SLC25A1: variants seen among roughly 807,000 people sequenced by gnomAD.
SLC25A1 encodes tricarboxylate transport protein, mitochondrial.
SLC25A1 carries 26 observed loss-of-function variants against 38.1 expected under a neutral mutation model. That is an observed-to-expected ratio of 0.68 (90% CI 0.50 to 0.95). The LOEUF (loss-of-function observed/expected upper bound fraction) is 0.95, where lower values mean the gene tolerates loss of function less well. Ranked by LOEUF, SLC25A1 falls within the 40% of genes least tolerant of loss-of-function variation. The probability of loss-of-function intolerance (pLI) is 0.00; values close to 1 mark genes in which losing one functional copy is unlikely to be tolerated. For synonymous variants in SLC25A1, 211 were observed against 183.2 expected, an observed-to-expected ratio of 1.15 and a Z score of -1.23; for missense variants, 378 against 426.6, an observed-to-expected ratio of 0.89 and a Z score of 1.00.
chr22:19,176,145 C>T lies in SLC25A1; in HGVS notation c.921G>A (p.Val307=). Residue 307 remains valine (V), a synonymous_variant, in exon 9 of 9, where the codon GTG becomes GTA. Transcript: ENST00000215882. ...YDEVVKLLNK[V]WKTD ...CTCTCTAGGCTTAGTCCGTCTTCCA[C>T]ACTTTGTTGAGCAGCTTCACCACTT... 1 of 1,613,934 alleles carries T rather than the reference C, an allele frequency of 6.2e-7. No individual in the cohort carries two copies. Among genetic ancestry groups the T allele is most frequent in the Admixed American group, 1.7e-5 (1 of 60,022 alleles).
At position 19,177,977 on chromosome 22, in the gene SLC25A1, G is replaced by A. The variant is rs953111140; in HGVS notation, c.267C>T (p.Ser89=). The A allele has an allele frequency of 4.4e-6, 7 of 1,604,628 alleles. No individual in the cohort carries two copies. The highest frequency in any genetic ancestry group is 1.1e-5 in the South Asian group (1 of 89,806). Residue 89 remains serine (S), a synonymous_variant, in exon 3 of 9, where the codon TCC becomes TCT. Transcript: ENST00000215882. ...GVLGLYRGLS[S]LLYGSIPKAA... is the part of the protein sequence containing the mutation. ...CCTTGGGGATGGAACCGTAGAGCAG[G>A]GAGCTAAGGCCGCGGTACAGGCCCA...
chr22:19,176,404 GC>G lies in SLC25A1; in HGVS notation c.821+16del, dbSNP rs781846993. 3 of 1,610,544 alleles carry G rather than the reference GC, an allele frequency of 1.9e-6. No individual in the cohort carries two copies. Among genetic ancestry groups the G allele is most frequent in the Non-Finnish European group, 2.5e-6 (3 of 1,177,418 alleles). ...GGTTTGAGGTGGGGACAATAGCCCT[GC>G]CCCTCCCCCACTCACGCCTTGAGCC... On this transcript the variant is annotated intron_variant, in intron 8 of 8. Transcript: ENST00000215882.
rs1355713568 is a variant in SLC25A1, at chr22:19,175,991, C to T, written c.*139G>A. On this transcript the variant is annotated 3_prime_UTR_variant, in exon 9 of 9. Coordinates refer to ENST00000215882, the MANE Select transcript of SLC25A1 (RefSeq NM_005984.5). Reference sequence around the variant, plus strand: ...CAGGGGGGACACATGGATTTGACAGCCACAATGCACAGACCAGGCTACAGA... The same window carrying T: ...CAGGGGGGACACATGGATTTGACAGTCACAATGCACAGACCAGGCTACAGA... 6 of 681,274 alleles carry T rather than the reference C, an allele frequency of 8.8e-6. No individual in the cohort carries two copies. In the African/African-American group the frequency reaches 1.1e-4, roughly 12 times the overall value. 42.2% of individuals were successfully genotyped at this position (681,274 alleles called of 1,614,324 possible). A position where few individuals can be genotyped will look rare whatever the true frequency, so the allele number is the denominator to read the frequency against.
Position 19,178,422 on chromosome 22 carries a change from G to A in SLC25A1, c.94+158C>T, listed in dbSNP as rs915833986. 228 of 1,378,404 alleles carry A rather than the reference G, an allele frequency of 1.7e-4. No homozygotes were observed. Among genetic ancestry groups the A allele is most frequent in the Admixed American group, 4.3e-4 (12 of 27,638 alleles). The allele number at this position is 1,378,404 out of a possible 1,614,324, so 85.4% of individuals were successfully genotyped here. The stretch of plus-strand genomic sequence containing the variant: ...CGGCGAGGCGCAGGGGGTGACAGAC[G>A]GGAGGCGGGCGAGTCCCAGCGCGCC... On this transcript the variant is annotated intron_variant, in intron 1 of 8. Coordinates refer to ENST00000215882, the MANE Select transcript of SLC25A1 (RefSeq NM_005984.5). The surrounding 1 kb of genome is among the most constrained non-coding windows in gnomAD (Gnocchi z 4.9).
rs143382974 is a variant in SLC25A1, at chr22:19,177,236, G to C, written c.442-32C>G. The C allele has an allele frequency of 1.3e-5, 21 of 1,587,990 alleles. No homozygotes were observed. The East Asian group carries it at 4.0e-4, about 31-fold the overall frequency. Reference sequence around the variant, plus strand: ...GAGAGAAGCAAAGGCGCAGGTTCTCGGCTGCCACCTGGGTGGGTCCTGGCT... The same window carrying C: ...GAGAGAAGCAAAGGCGCAGGTTCTCCGCTGCCACCTGGGTGGGTCCTGGCT... On this transcript the variant is annotated intron_variant, in intron 4 of 8. Transcript: ENST00000215882.
At position 19,176,454 on chromosome 22, in the gene SLC25A1, C is replaced by CCGCAGTCCCACGTGTT; in HGVS notation, c.772_787dup (p.Gly263GlufsTer41). ...CCCCTCCTTCTTCAGGATCTGCAAG[C>CCGCAGTCCCACGTGTT]CGCAGTCCCACGTGTTCCGGTATTT... On this transcript the variant is annotated frameshift_variant, in exon 8 of 9. Coordinates refer to ENST00000215882, the MANE Select transcript of SLC25A1 (RefSeq NM_005984.5). LOFTEE classifies it high-confidence loss of function. 2 of 1,613,880 alleles carry CCGCAGTCCCACGTGTT rather than the reference C, an allele frequency of 1.2e-6. No individual in the cohort carries two copies. Among genetic ancestry groups the CCGCAGTCCCACGTGTT allele is most frequent in the Non-Finnish European group, 1.7e-6 (2 of 1,180,018 alleles).
intron 4 of SLC25A1, 122 bp from the exon 5 acceptor site, chr22:19,177,326 C>T (rs2083976265): frequency 1.3e-6 from 1 of 782,642 alleles, no homozygotes; most frequent in Non-Finnish European, 2.1e-6. Context: ...GGAAGCAGTG[C>T]AGCCAAGGCC....
At position 19,176,448 on chromosome 22, in the gene SLC25A1, T is replaced by C. The variant is rs782516961; in HGVS notation, c.794A>G (p.Gln265Arg). ...CTTGAGCCCCTCCTTCTTCAGGATC[T>C]GCAAGCCGCAGTCCCACGTGTTCCG... is the stretch of plus-strand genomic sequence containing the variant. ...KYRNTWDCGL[Q>R]ILKKEGLKAF... The change falls in exon 8 of 9, where the codon CAG becomes CGG. Residue 265 changes from glutamine to arginine, a missense_variant. Gln to Arg is a conservative substitution (Grantham distance 43). Transcript: ENST00000215882. 1 of 1,613,756 alleles carries C rather than the reference T, an allele frequency of 6.2e-7. No homozygotes were observed. Among genetic ancestry groups the C allele is most frequent in the Non-Finnish European group, 8.5e-7 (1 of 1,179,988 alleles).
At position 19,178,123 on chromosome 22, in the gene SLC25A1, C is replaced by T; in HGVS notation, c.202+10G>A. ...CGCCCCCCGCGGCGCCGCGGCCTCC[C>T]CCTCCTCACCGATGCCCCGGTACCG... On this transcript the variant is annotated intron_variant, in intron 2 of 8. Coordinates refer to ENST00000215882, the MANE Select transcript of SLC25A1 (RefSeq NM_005984.5). This position sits in a 1 kb window ranked among gnomAD's most constrained non-coding sequence, Gnocchi z 4.9. 3.9e-6 allele frequency: 6 copies of T among 1,540,780 alleles called. No homozygotes were observed. The highest frequency in any genetic ancestry group is 5.2e-6 in the Non-Finnish European group (6 of 1,143,180).
rs782121656 is a variant in SLC25A1 at position 19,177,815 on chromosome 22, C to A, written c.353G>T (p.Arg118Leu). ...CAGCAGCCCACGCGTGCTGTCCAGC[C>A]GTCCCTGGGCATCCCGCATGTGGTT... ...LSNHMRDAQG[R>L]LDSTRGLLCG... The change falls in exon 4 of 9, where the codon CGG becomes CTG. Residue 118 changes from arginine to leucine, a missense_variant. Coordinates refer to ENST00000215882, the MANE Select transcript of SLC25A1 (RefSeq NM_005984.5). 1 of 1,610,812 alleles carries A rather than the reference C, an allele frequency of 6.2e-7. No homozygotes were observed. The highest frequency in any genetic ancestry group is 8.5e-7 in the Non-Finnish European group (1 of 1,179,270).
rs1555923095 is a variant in SLC25A1 at position 19,177,947 on chromosome 22, G to T, written c.297C>A (p.Ala99=). The T allele has an allele frequency of 6.3e-7, 1 of 1,599,192 alleles. No individual in the cohort carries two copies. The highest frequency in any genetic ancestry group is 8.5e-7 in the Non-Finnish European group (1 of 1,174,932). ...SLLYGSIPKA[A]VRFGMFEFLS... ...AGCCACCGGCCGGGCCTCACCTGAC[G>T]GCCGCCTTGGGGATGGAACCGTAGA... The change falls in exon 3 of 9, where the codon GCC becomes GCA. Residue 99 remains alanine, a synonymous_variant. Transcript: ENST00000215882.
rs431905509 is a variant in SLC25A1 at position 19,176,222 on chromosome 22, G to C, written c.844C>G (p.Arg282Gly). 3.1e-6 allele frequency: 5 copies of C among 1,613,090 alleles called. No individual in the cohort carries two copies. The highest frequency in any genetic ancestry group is 1.7e-5 in the Admixed American group (1 of 60,022). Residue 282 changes from arginine to glycine, a missense_variant, in exon 9 of 9, where the codon CGC becomes GGC. Physicochemically the swap from Arg to Gly is moderately radical, Grantham distance 125. Coordinates refer to ENST00000215882, the MANE Select transcript of SLC25A1 (RefSeq NM_005984.5). ...ACATCCAGGCAGACCCGGCCCAGGC[G>C]GGGGACAGTGCCCTTGTAGAATCTG... ...LKAFYKGTVPRLGRVCLDVAI... is the reference protein window; with the variant it reads ...LKAFYKGTVPGLGRVCLDVAI...
At position 19,177,278 on chromosome 22, in the gene SLC25A1, G is replaced by A. The variant is rs2083975794; in HGVS notation, c.442-74C>T. ...GTCCTGGCTAGCTGGCAGGCCCAGG[G>A]CCCATCCAGGGTGGAGGGAACTGGG... On this transcript the variant is annotated intron_variant, in intron 4 of 8. Coordinates refer to ENST00000215882, the MANE Select transcript of SLC25A1 (RefSeq NM_005984.5). 31 of 1,262,026 alleles carry A rather than the reference G, an allele frequency of 2.5e-5. 1 individual carries two copies. The highest frequency in any genetic ancestry group is 3.7e-5 in the South Asian group (3 of 81,420). 78.2% of individuals were successfully genotyped at this position (1,262,026 alleles called of 1,614,324 possible).
chr22:19,175,721 C>T lies in SLC25A1; in HGVS notation c.*409G>A, dbSNP rs1029128587. The stretch of plus-strand genomic sequence containing the variant: ...GCAGGGGGCTGCAGCCCCTGGAATG[C>T]GGTGAAGCCAGGCCGAGGCCCGGAG... On this transcript the variant is annotated 3_prime_UTR_variant, in exon 9 of 9. Coordinates refer to ENST00000215882, the MANE Select transcript of SLC25A1 (RefSeq NM_005984.5). 6.6e-5 allele frequency: 14 copies of T among 211,846 alleles called. No homozygotes were observed. The highest frequency in any genetic ancestry group is 8.6e-5 in the Non-Finnish European group (9 of 104,894). 13.1% of individuals were successfully genotyped at this position (211,846 alleles called of 1,614,324 possible). A position where few individuals can be genotyped will look rare whatever the true frequency, so the allele number is the denominator to read the frequency against.
chr22:19,178,077 G>A lies in SLC25A1; in HGVS notation c.203-36C>T, dbSNP rs1555923226. The A allele has an allele frequency of 3.9e-6, 6 of 1,544,368 alleles. No homozygotes were observed. The highest frequency in any genetic ancestry group is 1.4e-5 in the African/African-American group (1 of 72,002). On this transcript the variant is annotated intron_variant, in intron 2 of 8. Transcript: ENST00000215882. This position sits in a 1 kb window ranked among gnomAD's most constrained non-coding sequence, Gnocchi z 4.9. The stretch of plus-strand genomic sequence containing the variant: ...GGGCGGTCAGGACCCCACGGCCCTC[G>A]GTGCCGCCGCCCTGGGTACCCGCCC...
rs889607812 is a variant in SLC25A1, at chr22:19,177,160, T to A, written c.486A>T (p.Arg162Ser). The change falls in exon 5 of 9, where the codon AGA (arginine) becomes AGT (serine). Residue 162 changes from arginine to serine, a missense_variant. Transcript: ENST00000215882. ...HDQTSPNPKYRGFFHGVREIV... is the reference protein window; with the variant it reads ...HDQTSPNPKYSGFFHGVREIV... Reference sequence around the variant, plus strand: ...TCTCCCTAACCCCGTGGAAGAATCCTCTGTACTTGGGGTTTGGGGAGGTCT... The same window carrying A: ...TCTCCCTAACCCCGTGGAAGAATCCACTGTACTTGGGGTTTGGGGAGGTCT... The A allele has an allele frequency of 6.2e-7, 1 of 1,614,022 alleles. No individual in the cohort carries two copies. The highest frequency in any genetic ancestry group is 1.7e-5 in the Admixed American group (1 of 60,024).
chr22:19,178,404 G>A lies in SLC25A1; in HGVS notation c.95-164C>T. ...GCCCTCACCCCGTTGTCCCGGCGAG[G>A]CGCAGGGGGTGACAGACGGGAGGCG... On this transcript the variant is annotated intron_variant, in intron 1 of 8. Transcript: ENST00000215882. This position sits in a 1 kb window ranked among gnomAD's most constrained non-coding sequence, Gnocchi z 4.9. The A allele has an allele frequency of 7.2e-7, 1 of 1,391,772 alleles. No homozygotes were observed. The highest frequency in any genetic ancestry group is 9.3e-7 in the Non-Finnish European group (1 of 1,077,520). The allele number at this position is 1,391,772 out of a possible 1,614,324, so 86.2% of individuals were successfully genotyped here.
In SLC25A1 at chr22:19,178,575, C is replaced by A. The variant is rs1367595158; in HGVS notation, c.94+5G>T. ...GAGAGGGGTCCGCGTCCCGGAGGGG[C>A]CCACCTGCCAGGATCGCCTTCCCCG... On this transcript the variant is annotated splice_donor_5th_base_variant and intron_variant, in intron 1 of 8. Transcript: ENST00000215882. This position sits in a 1 kb window ranked among gnomAD's most constrained non-coding sequence, Gnocchi z 4.9. The A allele has an allele frequency of 3.2e-6, 4 of 1,231,108 alleles. No individual in the cohort carries two copies. The African/African-American group carries it at 6.3e-5, about 19-fold the overall frequency. 76.3% of individuals were successfully genotyped at this position (1,231,108 alleles called of 1,614,324 possible).
intron 8 of SLC25A1, 34 bp from the exon 9 acceptor site, chr22:19,176,278 G>A: frequency 1.3e-6 from 2 of 1,581,258 alleles, no homozygotes; most frequent in Middle Eastern, 1.7e-4. Context: ...GAGGAAGGCA[G>A]GTCAGCACAG....
Sources: allele counts gnomAD v4.1 joint callset, GRCh38; gene constraint gnomAD v4.1.1; non-coding constraint Gnocchi (gnomAD v3.1); transcripts MANE v1.5; gene names NCBI Gene and HGNC (gene_info 2026-07-23, HGNC 2026-07-21).